The following REV3L variants were observed in gnomAD, a reference collection of about 807,000 sequenced individuals.
The protein encoded by REV3L is DNA polymerase zeta catalytic subunit.
Under a neutral mutation model 299.4 loss-of-function variants are expected in REV3L, and 69 were observed. The observed-to-expected ratio is 0.23, with a 90% CI of 0.19 to 0.28. The LOEUF is 0.28. Among genes scored for constraint, REV3L ranks in the 10% least tolerant of loss-of-function variants. REV3L has a pLI of 1.00. For missense variants in REV3L, 3,128 were observed against 3,693.8 expected (o/e 0.85, Z 3.97); for synonymous variants, 1,238 against 1,271.4 (o/e 0.97, Z 0.56).
chr6:111,474,953 T>C (rs1014289542), intron 1 of REV3L, among the ~76,000 whole-genome samples: 2 of 149,170 alleles, frequency 1.3e-5, no homozygotes, highest in Admixed American at 1.3e-4. Context: ...TCCCGTATCC[T>C]CCCATGCACA....
At position 111,406,721 on chromosome 6, in the gene REV3L, T is replaced by C. The variant is rs535888629; in HGVS notation, c.405-1091A>G. ...GGGGAAGAACTGTAAGAAAAATTGG[T>C]TTGGGATTTTTTGGAAGGGGAATAA... On this transcript the variant is annotated intron_variant, in intron 3 of 31. Coordinates refer to ENST00000368802, the MANE Select transcript of REV3L (RefSeq NM_001372078.1). 5.9e-5 allele frequency among the ~76,000 whole-genome samples: 9 copies of C among 152,112 alleles called. No homozygotes were observed. In the East Asian group the frequency reaches 1.5e-3, roughly 26 times the overall value.
chr6:111,418,864 T>C (rs1225524064), intron 1 of REV3L, among the ~76,000 whole-genome samples: 2 of 152,198 alleles, frequency 1.3e-5, no homozygotes, highest in Non-Finnish European at 2.9e-5. Flanking sequence ...AAACACATGG[T>C]ATGTGCTTAA....
intron 9 of REV3L, 86 bp from the exon 10 acceptor site, chr6:111,381,530 T>C: frequency 8.7e-7 from 1 of 1,151,360 alleles, no homozygotes; most frequent in Non-Finnish European, 1.2e-6. Context: ...TTTGGAAGCA[T>C]TACCATATAA....
At chr6:111,334,011 T>C (rs887387214) in intron 22 of REV3L, among the ~76,000 whole-genome samples, 1 of 152,138 alleles carries the variant, frequency 6.6e-6, no homozygotes, top group Non-Finnish European at 1.5e-5. Context: ...AAATCTCGGC[T>C]CACTGCAACC....
chr6:111,302,488 A>G (rs955224678), intron 31 of REV3L, among the ~76,000 whole-genome samples: 1 of 152,204 alleles, frequency 6.6e-6, no homozygotes, highest in African/African-American at 2.4e-5. Context: ...TCAGGCTTAC[A>G]TTTAAAACTT....
intron 1 of REV3L, among the ~76,000 whole-genome samples, chr6:111,481,308 C>T (rs1029880851): frequency 6.6e-6 from 1 of 152,146 alleles, no homozygotes; most frequent in Admixed American, 6.6e-5. Flanking sequence ...AAAGACAGCA[C>T]CACTATATTT....
intron 1 of REV3L, among the ~76,000 whole-genome samples, chr6:111,458,388 A>C (rs569077508): frequency 2.0e-5 from 3 of 152,166 alleles, no homozygotes; most frequent in Non-Finnish European, 4.4e-5. Context: ...AATGATGCTC[A>C]CTTTCACCAC....
intron 5 of REV3L, among the ~76,000 whole-genome samples, chr6:111,392,104 T>G (rs879863196): frequency 6.6e-6 from 1 of 152,242 alleles, no homozygotes; most frequent in Non-Finnish European, 1.5e-5. Context: ...GTTTTATAAT[T>G]TGAAATAATT....
chr6:111,341,876 G>A (rs2114892195), intron 21 of REV3L, among the ~76,000 whole-genome samples: 1 of 152,216 alleles, frequency 6.6e-6, no homozygotes, highest in East Asian at 1.9e-4. Context: ...GGTTGAGTGT[G>A]GGCAGAAATG....
At chr6:111,460,786 C>T (rs995783018) in intron 1 of REV3L, among the ~76,000 whole-genome samples, 1 of 152,030 alleles carries the variant, frequency 6.6e-6, no homozygotes, top group Non-Finnish European at 1.5e-5. Flanking sequence ...AGCAAAAATG[C>T]AGTCATGTAC....
chr6:111,353,761 A>G (rs187810530), intron 18 of REV3L: 4 of 152,296 alleles, frequency 2.6e-5, no homozygotes, highest in Admixed American at 2.6e-4. Context: ...AAATATCCCA[A>G]TACTCTTTCT....
At chr6:111,408,116 T>C (rs573956046) in intron 3 of REV3L, among the ~76,000 whole-genome samples, 1 of 152,294 alleles carries the variant, frequency 6.6e-6, no homozygotes, top group Non-Finnish European at 1.5e-5. Flanking sequence ...AGCCGACAGA[T>C]GGAAGCGATC....
At chr6:111,411,950 T>A in intron 2 of REV3L, 1 of 983,744 alleles carries the variant, frequency 1.0e-6, no homozygotes, top group Non-Finnish European at 1.2e-6. Context: ...ACTCCACATA[T>A]GAGAGAAACA....
At chr6:111,313,977 C>T (rs1388583462) in intron 27 of REV3L, among the ~76,000 whole-genome samples, 1 of 152,204 alleles carries the variant, frequency 6.6e-6, no homozygotes, top group Non-Finnish European at 1.5e-5. Flanking sequence ...GACGCAATTC[C>T]TCCTTTCCTT....
chr6:111,407,908 C>G (rs567576408), intron 3 of REV3L, among the ~76,000 whole-genome samples: 1 of 152,222 alleles, frequency 6.6e-6, no homozygotes, highest in African/African-American at 2.4e-5. Context: ...TGACCTCCAG[C>G]CTGAGCAACA....
At chr6:111,364,326 A>C (rs191448028) in intron 15 of REV3L, among the ~76,000 whole-genome samples, 1 of 152,138 alleles carries the variant, frequency 6.6e-6, no homozygotes, top group Non-Finnish European at 1.5e-5. Context: ...AGCAATCAAT[A>C]TATTTCCAAC....
In REV3L at chr6:111,329,708, T is replaced by C. The variant is rs1281042275; in HGVS notation, c.8065A>G (p.Met2689Val). ...CTAGTCTTCAAAATTTCTTCAAGCATTCTTGGTAGTACACCTTTTCTTACT... is the reference window on the plus strand; with the variant it reads ...CTAGTCTTCAAAATTTCTTCAAGCACTCTTGGTAGTACACCTTTTCTTACT... ...PSVRKGVLPR[M>V]LEEILKTRFM... Residue 2689 changes from methionine to valine, a missense_variant, in exon 25 of 32, where the codon ATG becomes GTG. By Grantham distance (21) the Met-to-Val change is conservative. Around this residue, in one of 9 missense-constraint regions of REV3L, gnomAD observed 149 missense variants for 286.4 expected, o/e 0.52. Coordinates refer to ENST00000368802, the MANE Select transcript of REV3L (RefSeq NM_001372078.1). 6.2e-7 allele frequency: 1 copy of C among 1,613,572 alleles called. No homozygotes were observed.
At chr6:111,377,652 T>A (rs191608163) in intron 12 of REV3L, 49 bp downstream of exon 12, 46 of 1,571,338 alleles carry the variant, frequency 2.9e-5, no homozygotes, top group Non-Finnish European at 8.7e-7. Context: ...ATCAAATACA[T>A]TTTTAGATCG....
chr6:111,483,328 C>T (rs1794010427), upstream of REV3L: 1 of 453,656 alleles, frequency 2.2e-6, no homozygotes, highest in Admixed American at 4.5e-5. Flanking sequence ...GGCGGGCGCC[C>T]GGGCGGGACA....
Sources: allele counts gnomAD v4.1 joint callset (sites outside exome capture counted in the v4.1 genomes callset), GRCh38; gene constraint gnomAD v4.1.1; regional missense constraint gnomAD v4.1.1; transcripts MANE v1.5; gene names NCBI Gene and HGNC (gene_info 2026-07-23, HGNC 2026-07-21).